CCT3: variants seen among roughly 807,000 people sequenced by gnomAD.
CCT3 encodes T-complex protein 1 subunit gamma.
A neutral mutation model predicts 65.3 loss-of-function variants in CCT3; 10 were observed. That is an observed-to-expected ratio of 0.15 (90% CI 0.09 to 0.26). The LOEUF (loss-of-function observed/expected upper bound fraction) is 0.26, where lower values mean the gene tolerates loss of function less well. Ranked by LOEUF, CCT3 falls within the 10% of genes least tolerant of loss-of-function variation. The pLI is 1.00. For missense variants in CCT3, 626 were observed against 708.7 expected (o/e 0.88, Z 1.33); for synonymous variants, 225 against 242.3 (o/e 0.93, Z 0.66).
intron 10 of CCT3, among the ~76,000 whole-genome samples, chr1:156,315,367 C>A (rs1664265313): frequency 1.3e-5 from 2 of 152,242 alleles, no homozygotes; most frequent in East Asian, 3.9e-4. Flanking sequence ...CACCACCACA[C>A]CTAGCTAATT....
At chr1:156,324,352 C>T (rs865999919) in intron 6 of CCT3, among the ~76,000 whole-genome samples, 5 of 152,156 alleles carry the variant, frequency 3.3e-5, no homozygotes, top group Non-Finnish European at 7.3e-5. Context: ...CGTGAGCCAC[C>T]GAGCCCTGCC....
intron 1 of CCT3, among the ~76,000 whole-genome samples, chr1:156,337,947 G>A (rs1665515419): frequency 6.6e-6 from 1 of 152,158 alleles, no homozygotes. Context: ...AAGAGGCTCG[G>A]CGAGAATAAG....
At chr1:156,335,323 A>G (rs892750180) in intron 2 of CCT3, 1 of 189,470 alleles carries the variant, frequency 5.3e-6, no homozygotes, top group Admixed American at 5.5e-5. Flanking sequence ...TTTCACAAGA[A>G]TAAGGGGGAA....
At chr1:156,328,030 G>C (rs1558271484) in intron 5 of CCT3, among the ~76,000 whole-genome samples, 1 of 14,000 alleles carries the variant, frequency 7.1e-5, no homozygotes, top group Non-Finnish European at 1.4e-4. Context: ...ACCCCGTCCG[G>C]GAGGGAGGTG....
At chr1:156,310,361 G>C (rs1230819385) in intron 13 of CCT3, among the ~76,000 whole-genome samples, 197 bp downstream of exon 13, 1 of 152,030 alleles carries the variant, frequency 6.6e-6, no homozygotes, top group Admixed American at 6.6e-5. Flanking sequence ...GGGAGTGGTG[G>C]TGCATGCCTG....
chr1:156,326,995 G>A (rs1664843036), intron 5 of CCT3, among the ~76,000 whole-genome samples: 2 of 152,184 alleles, frequency 1.3e-5, no homozygotes, highest in South Asian at 4.1e-4. Context: ...GCAGTGAGTG[G>A]AGACTGTGCC....
At chr1:156,331,214 C>T (rs1021675830) in intron 5 of CCT3, among the ~76,000 whole-genome samples, 1 of 151,870 alleles carries the variant, frequency 6.6e-6, no homozygotes, top group Admixed American at 6.6e-5. Context: ...CTGGGTGACA[C>T]AGCAAGACTC....
chr1:156,310,698 G>A lies in CCT3; in HGVS notation c.1402-9C>T, dbSNP rs758237537. The A allele has an allele frequency of 8.1e-6, 13 of 1,611,338 alleles. No individual in the cohort carries two copies. The highest frequency in any genetic ancestry group is 4.4e-5 in the South Asian group (4 of 90,734). On this transcript the variant is annotated splice_polypyrimidine_tract_variant and intron_variant, in intron 12 of 13. Coordinates refer to ENST00000295688, the MANE Select transcript of CCT3 (RefSeq NM_005998.5). Reference sequence around the variant, plus strand: ...TCCTGGGTGTGCTTGGCCTGCAATTGAAGCAAGAAGTAAAGGGGAAAATAA... The same window carrying A: ...TCCTGGGTGTGCTTGGCCTGCAATTAAAGCAAGAAGTAAAGGGGAAAATAA...
At chr1:156,317,331 C>T in intron 9 of CCT3, 84 bp from the exon 10 acceptor site, 2 of 1,595,440 alleles carry the variant, frequency 1.3e-6, no homozygotes, top group Non-Finnish European at 1.7e-6. Context: ...CACTATTACG[C>T]CCCTGCCAAA....
At chr1:156,333,768 T>A in intron 4 of CCT3, 125 bp from the exon 5 acceptor site, 3 of 658,408 alleles carry the variant, frequency 4.6e-6, no homozygotes. Context: ...TTTTACCATA[T>A]CTTGAAAGAT....
chr1:156,325,912 C>T (rs1664782736), intron 5 of CCT3, among the ~76,000 whole-genome samples: 1 of 151,500 alleles, frequency 6.6e-6, no homozygotes, highest in South Asian at 2.1e-4. Context: ...AAAAAATTTC[C>T]CTGAAGGCTC....
chr1:156,333,632 C>T lies in CCT3; in HGVS notation c.219G>A (p.Gln73=), dbSNP rs767298569. 5.6e-6 allele frequency: 9 copies of T among 1,613,730 alleles called. No homozygotes were observed. The African/African-American group carries it at 1.2e-4, about 22-fold the overall frequency. The change falls in exon 5 of 14, where the codon CAG becomes CAA. Residue 73 remains glutamine (Q), a synonymous_variant. Coordinates refer to ENST00000295688, the MANE Select transcript of CCT3 (RefSeq NM_005998.5). The part of the protein sequence containing the change: ...GNAILREIQV[Q]HPAAKSMIEI... ...CGATCATGGACTTGGCCGCTGGATG[C>T]TGGACTTGAATCTAAAAAGGTAGAT...
At chr1:156,336,120 T>G (rs1665339155) in intron 1 of CCT3, 1 of 415,218 alleles carries the variant, frequency 2.4e-6, no homozygotes, top group African/African-American at 2.0e-5. Flanking sequence ...ATTTCAATCC[T>G]TGGTATATTA....
At chr1:156,317,391 C>CT in intron 9 of CCT3, 24 bp downstream of exon 9, 1 of 1,603,078 alleles carries the variant, frequency 6.2e-7, no homozygotes, top group Non-Finnish European at 8.5e-7. Flanking sequence ...CAAAGGTAGG[C>CT]TGGAAAAAGT....
At position 156,312,161 on chromosome 1, in the gene CCT3, T is replaced by C. The variant is rs745383636; in HGVS notation, c.1035A>G (p.Thr345=). The change falls in exon 11 of 14, where the codon ACA becomes ACG. Residue 345 remains threonine, a synonymous_variant. Transcript: ENST00000295688. Reference sequence around the variant, plus strand: ...TCTTGATTTCCAACAGGCCTGCTCCTGTTCCAACATCATCTTCTCTCAGTT... The same window carrying C: ...TCTTGATTTCCAACAGGCCTGCTCCCGTTCCAACATCATCTTCTCTCAGTT... ...PEELREDDVG[T]GAGLLEIKKI... 6.2e-7 allele frequency: 1 copy of C among 1,614,178 alleles called. No homozygotes were observed. The highest frequency in any genetic ancestry group is 2.2e-5 in the East Asian group (1 of 44,876).
In CCT3 at chr1:156,318,885, T is replaced by C. The variant is rs754159734; in HGVS notation, c.742A>G (p.Lys248Glu). Residue 248 changes from lysine to glutamate, a missense_variant, in exon 8 of 14, where the codon AAG becomes GAG. Physicochemically the swap from Lys to Glu is moderately conservative, Grantham distance 56. Coordinates refer to ENST00000295688, the MANE Select transcript of CCT3 (RefSeq NM_005998.5). ...AACCTTACCTGGCTTTCTCCTTTCTTGTATTCCAGAGAAGAATCCAGCAGC... is the reference window on the plus strand; with the variant it reads ...AACCTTACCTGGCTTTCTCCTTTCTCGTATTCCAGAGAAGAATCCAGCAGC... ...IVLLDSSLEY[K>E]KGESQTDIEI... 6.2e-7 allele frequency: 1 copy of C among 1,613,682 alleles called. No individual in the cohort carries two copies. Among genetic ancestry groups the C allele is most frequent in the Non-Finnish European group, 8.5e-7 (1 of 1,179,872 alleles).
In CCT3 at chr1:156,328,233, A is replaced by C. The variant is rs71519506; in HGVS notation, c.305-3144T>G. 6.1e-5 allele frequency among the ~76,000 whole-genome samples: 7 copies of C among 114,186 alleles called. 1 individual carries two copies. In the South Asian group the frequency reaches 8.5e-4, roughly 14 times the overall value. The allele number at this position is 114,186 out of a possible 152,430, so 74.9% of individuals were successfully genotyped here. A position where few individuals can be genotyped will look rare whatever the true frequency, so the allele number is the denominator to read the frequency against. On this transcript the variant is annotated intron_variant, in intron 5 of 13. Coordinates refer to ENST00000295688, the MANE Select transcript of CCT3 (RefSeq NM_005998.5). ...CAGTCCCCCCGTCCGGGAGGGAGGT[A>C]GGGGGGTCAGCCCCCGGCCCGGCCA...
At chr1:156,317,070 C>A in intron 10 of CCT3, 96 bp downstream of exon 10, 1 of 1,080,326 alleles carries the variant, frequency 9.3e-7, no homozygotes, top group Non-Finnish European at 1.4e-6. Flanking sequence ...GTTACTATAT[C>A]CTTTATTAAA....
chr1:156,324,160 C>T lies in CCT3; in HGVS notation c.422+812G>A, dbSNP rs796717811. 2.6e-5 allele frequency among the ~76,000 whole-genome samples: 4 copies of T among 151,972 alleles called. 1 individual carries two copies. Among genetic ancestry groups the T allele is most frequent in the African/African-American group, 9.7e-5 (4 of 41,444 alleles). On this transcript the variant is annotated intron_variant, in intron 6 of 13. Transcript: ENST00000295688. ...TCGGCTCACTGAAACCTTCGCCTCC[C>T]GGGTCCAAGCGATTCTCCTGCCTCA...
Sources: gnomAD v4.1 joint callset for allele counts (sites outside exome capture counted in the v4.1 genomes callset) on GRCh38, gnomAD v4.1.1 for gene constraint, MANE v1.5 for transcripts, NCBI Gene and HGNC (gene_info 2026-07-23, HGNC 2026-07-21) for gene names.